Variants in ST3GAL1 observed in about 807,000 individuals in gnomAD.
The protein encoded by ST3GAL1 is ST3 beta-galactoside alpha-2,3-sialyltransferase 1.
In ST3GAL1, 16 loss-of-function variants were observed where a neutral mutation model predicts 34.1. The observed-to-expected ratio is 0.47, with a 90% CI of 0.32 to 0.71. The LOEUF (loss-of-function observed/expected upper bound fraction) is 0.71. ST3GAL1 is among the 30% of genes least tolerant of loss of function. The probability of loss-of-function intolerance (pLI) is 0.04; values close to 1 mark genes in which losing one functional copy is unlikely to be tolerated. For synonymous variants in ST3GAL1, 191 were observed against 184.7 expected (o/e 1.03, Z -0.28); for missense variants, 353 against 447.4 (o/e 0.79, Z 1.90).
At chr8:133,460,320 C>T (rs900067522) in intron 9 of ST3GAL1, among the ~76,000 whole-genome samples, 3 of 152,116 alleles carry the variant, frequency 2.0e-5, no homozygotes, top group African/African-American at 7.2e-5. Context: ...GGCTTTGGGG[C>T]CAAGCAAACT....
At chr8:133,518,246 C>T (rs1474398825) in intron 2 of ST3GAL1, among the ~76,000 whole-genome samples, 1 of 152,192 alleles carries the variant, frequency 6.6e-6, no homozygotes, top group Non-Finnish European at 1.5e-5. Context: ...TTCCACTGTA[C>T]TGCTAAGGGA....
chr8:133,550,418 C>G (rs1818805419), intron 1 of ST3GAL1, among the ~76,000 whole-genome samples: 1 of 152,218 alleles, frequency 6.6e-6, no homozygotes, highest in African/African-American at 2.4e-5. Context: ...GCTCATGTGA[C>G]TCTCCAAGAC....
chr8:133,553,090 G>A (rs889958016), intron 1 of ST3GAL1, among the ~76,000 whole-genome samples: 3 of 152,016 alleles, frequency 2.0e-5, no homozygotes, highest in Non-Finnish European at 4.4e-5. Context: ...TAGAGACGGC[G>A]CCAGGGCTGA....
At chr8:133,483,556 G>A (rs1032824803) in intron 3 of ST3GAL1, among the ~76,000 whole-genome samples, 1 of 152,166 alleles carries the variant, frequency 6.6e-6, no homozygotes, top group Non-Finnish European at 1.5e-5. Flanking sequence ...TTATTTAAAA[G>A]ACCAAATGAA....
chr8:133,498,021 C>A (rs1356614799), intron 3 of ST3GAL1, among the ~76,000 whole-genome samples: 2 of 152,232 alleles, frequency 1.3e-5, no homozygotes, highest in Non-Finnish European at 2.9e-5. Context: ...CTTGCTCACT[C>A]ACTGCATTCA....
chr8:133,475,642 C>A, intron 5 of ST3GAL1, 77 bp downstream of exon 5: 1 of 1,436,878 alleles, frequency 7.0e-7, no homozygotes. Flanking sequence ...ATCCAGATCC[C>A]CACTCTCAGC....
At chr8:133,518,285 CCCCCAGTCAGAACAAAGA>C (rs1817702877) in intron 2 of ST3GAL1, among the ~76,000 whole-genome samples, 1 of 152,182 alleles carries the variant, frequency 6.6e-6, no homozygotes, top group Non-Finnish European at 1.5e-5. Context: ...GGATTCCAAT[CCCCCAGTCAGAACAAAGA>C]TGACAGCCTC....
At chr8:133,537,595 G>T (rs1818346091) in intron 2 of ST3GAL1, among the ~76,000 whole-genome samples, 1 of 152,206 alleles carries the variant, frequency 6.6e-6, no homozygotes, top group Admixed American at 6.5e-5. Flanking sequence ...AGCTCCAAGG[G>T]CTGGAGAAAA....
chr8:133,486,800 A>G (rs1174964813), intron 3 of ST3GAL1, among the ~76,000 whole-genome samples: 1 of 152,218 alleles, frequency 6.6e-6, no homozygotes, highest in Non-Finnish European at 1.5e-5. Flanking sequence ...GCAGCCACGG[A>G]GCACAGCGTG....
chr8:133,521,520 A>C (rs1266275472), intron 2 of ST3GAL1, among the ~76,000 whole-genome samples: 1 of 152,136 alleles, frequency 6.6e-6, no homozygotes, highest in African/African-American at 2.4e-5. Flanking sequence ...GCTCGTCTCA[A>C]ACTCCTGACC....
rs138266333 is a variant in ST3GAL1, at chr8:133,513,667, G to A, written c.-428-14478C>T. ...TCCCAATACTTTGGGAGGCTGAGGC[G>A]GGCGGATCACAAGGTCAGGAGTTCA... On this transcript the variant is annotated intron_variant, in intron 2 of 9. Coordinates refer to ENST00000522652, the MANE Select transcript of ST3GAL1 (RefSeq NM_173344.3). Among the ~76,000 whole-genome samples, 1,034 of 152,194 alleles carry A rather than the reference G, an allele frequency of 6.8e-3. 18 individuals carry two copies. The highest frequency in any genetic ancestry group is 0.024 in the African/African-American group (984 of 41,514).
chr8:133,459,652 G>T lies in ST3GAL1; in HGVS notation c.*112C>A. 7.3e-7 allele frequency: 1 copy of T among 1,378,260 alleles called. No individual in the cohort carries two copies. The highest frequency in any genetic ancestry group is 9.8e-7 in the Non-Finnish European group (1 of 1,022,240). 85.4% of individuals were successfully genotyped at this position (1,378,260 alleles called of 1,614,324 possible). ...GCAAGAGGCTGTGAGCGGTGCCCAG[G>T]CACACACCTGAGGCTGCCCCTCCAA... On this transcript the variant is annotated 3_prime_UTR_variant, in exon 10 of 10. Transcript: ENST00000522652. The surrounding 1 kb of genome is among the most constrained non-coding windows in gnomAD (Gnocchi z 4.7).
chr8:133,525,458 T>C (rs1221559551), intron 2 of ST3GAL1, among the ~76,000 whole-genome samples: 1 of 152,188 alleles, frequency 6.6e-6, no homozygotes, highest in Non-Finnish European at 1.5e-5. Flanking sequence ...CTCTAGGCCA[T>C]GGACTCCCCC....
At chr8:133,478,024 G>A (rs753232769) in intron 3 of ST3GAL1, among the ~76,000 whole-genome samples, 32 of 152,236 alleles carry the variant, frequency 2.1e-4, no homozygotes, top group South Asian at 1.0e-3. Flanking sequence ...GAAGCCCAAC[G>A]TATGGAGGAC....
intron 2 of ST3GAL1, among the ~76,000 whole-genome samples, chr8:133,529,981 T>C (rs921743409): frequency 7.2e-5 from 11 of 152,196 alleles, no homozygotes; most frequent in Non-Finnish European, 1.3e-4. Context: ...ATCTCTTATT[T>C]GTTAACTTTG....
intron 3 of ST3GAL1, among the ~76,000 whole-genome samples, chr8:133,495,076 G>A (rs752275636): frequency 7.2e-5 from 11 of 151,804 alleles, no homozygotes; most frequent in Admixed American, 2.0e-4. Context: ...GTGCCACCAC[G>A]CCCAGCTAAT....
intron 1 of ST3GAL1, among the ~76,000 whole-genome samples, chr8:133,551,014 C>A (rs1458440134): frequency 6.6e-6 from 1 of 152,192 alleles, no homozygotes; most frequent in Non-Finnish European, 1.5e-5. Context: ...TGCAAACAAT[C>A]ATCTGGATAA....
chr8:133,471,723 T>C (rs1815968952), intron 5 of ST3GAL1, among the ~76,000 whole-genome samples: 1 of 151,778 alleles, frequency 6.6e-6, no homozygotes, highest in South Asian at 2.1e-4. Context: ...CTCCTGGTGG[T>C]GGGGGTGGTA....
chr8:133,493,997 T>C (rs1027257681), intron 3 of ST3GAL1, among the ~76,000 whole-genome samples: 10 of 152,178 alleles, frequency 6.6e-5, no homozygotes, highest in Non-Finnish European at 1.3e-4. Context: ...AGGCACATTT[T>C]GCAAGCATGT....
Sources: allele counts gnomAD v4.1 joint callset (sites outside exome capture counted in the v4.1 genomes callset), GRCh38; gene constraint gnomAD v4.1.1; non-coding constraint Gnocchi (gnomAD v3.1); transcripts MANE v1.5; gene names NCBI Gene and HGNC (gene_info 2026-07-23, HGNC 2026-07-21).